BEST3: variants seen among roughly 807,000 people sequenced by gnomAD.
The protein encoded by BEST3 is bestrophin 3, also known as bestrophin-3.
Under a neutral mutation model 47.1 loss-of-function variants are expected in BEST3, and 50 were observed. The observed-to-expected ratio is 1.06, with a 90% CI of 0.85 to 1.34. BEST3 has a LOEUF of 1.34. Among genes scored for constraint, BEST3 ranks in the 40% most tolerant of loss-of-function variants. BEST3 has a pLI of 0.00. For synonymous variants in BEST3, 282 were observed against 298.8 expected, an observed-to-expected ratio of 0.94 and a Z score of 0.58; for missense variants, 765 against 817.0, an observed-to-expected ratio of 0.94 and a Z score of 0.78.
At chr12:69,688,467 G>C (rs1215913453) in intron 4 of BEST3, among the ~76,000 whole-genome samples, 1 of 152,002 alleles carries the variant, frequency 6.6e-6, no homozygotes, top group African/African-American at 2.4e-5. Context: ...TTTTTAATTT[G>C]AGAAATTTAA....
At chr12:69,686,771 C>CAAAAAAACGAAAAAAA (rs1565840533) in intron 4 of BEST3, among the ~76,000 whole-genome samples, 1 of 49,912 alleles carries the variant, frequency 2.0e-5, no homozygotes, top group Admixed American at 2.6e-4. Flanking sequence ...GATTCTGCCT[C>CAAAAAAACGAAAAAAA]AAAAAAACAA....
At chr12:69,692,423 G>A (rs1317183728) in intron 4 of BEST3, among the ~76,000 whole-genome samples, 1 of 152,166 alleles carries the variant, frequency 6.6e-6, no homozygotes. Flanking sequence ...ATACACCAAA[G>A]AGAATCATCC....
intron 4 of BEST3, among the ~76,000 whole-genome samples, chr12:69,685,947 T>C (rs774199328): frequency 4.6e-5 from 7 of 152,214 alleles, no homozygotes; most frequent in African/African-American, 1.7e-4. Flanking sequence ...CTTTCTCTCA[T>C]GTGCAGAGCA....
At chr12:69,667,476 A>G (rs1459797053) in intron 9 of BEST3, among the ~76,000 whole-genome samples, 1 of 151,990 alleles carries the variant, frequency 6.6e-6, no homozygotes, top group Non-Finnish European at 1.5e-5. Context: ...TTGTATTTGT[A>G]GTAGAGACTG....
intron 8 of BEST3, among the ~76,000 whole-genome samples, chr12:69,672,310 A>C (rs1884628349): frequency 6.6e-6 from 1 of 152,230 alleles, no homozygotes; most frequent in Non-Finnish European, 1.5e-5. Flanking sequence ...TGGTCTAGGG[A>C]GAGTCTTGCC....
chr12:69,693,722 T>G lies in BEST3; in HGVS notation c.433A>C (p.Thr145Pro), dbSNP rs778208132. 6.2e-7 allele frequency: 1 copy of G among 1,614,076 alleles called. No homozygotes were observed. ...TSLLIFRSVS[T>P]AVYKRFPTMD... ...GTGGGAAATCTTTTGTACACAGCAG[T>G]GCTCACCGAGCGAAAGATGAGCAGG... Residue 145 changes from threonine (T) to proline (P), a missense_variant, in exon 4 of 10, where the codon ACT (threonine) becomes CCT (proline). Transcript: ENST00000330891.
rs759695233 is a variant in BEST3, at chr12:69,655,707, C to T, written c.1207G>A (p.Glu403Lys). 6.2e-6 allele frequency: 10 copies of T among 1,613,820 alleles called. No individual in the cohort carries two copies. Among genetic ancestry groups the T allele is most frequent in the African/African-American group, 2.7e-5 (2 of 74,934 alleles). Residue 403 changes from glutamate (E) to lysine (K), a missense_variant, in exon 10 of 10, where the codon GAA becomes AAA. Transcript: ENST00000330891. ...CTTCTTCTGGGGCTGGAGGGGTGTTCGTGGGCACTCAGGAACCGCTTGACT... is the reference window on the plus strand; with the variant it reads ...CTTCTTCTGGGGCTGGAGGGGTGTTTGTGGGCACTCAGGAACCGCTTGACT... ...RRVKRFLSAH[E>K]HPSSPRRRSY...
At position 69,666,023 on chromosome 12, in the gene BEST3, C is replaced by T. The variant is rs12582181; in HGVS notation, c.1100+5405G>A. ...TTCTCTACCTTTGGAACTGCTTAAACTTCTTTTTTTTTCTGAGACAAGGTC... is the reference window on the plus strand; with the variant it reads ...TTCTCTACCTTTGGAACTGCTTAAATTTCTTTTTTTTTCTGAGACAAGGTC... On this transcript the variant is annotated intron_variant, in intron 9 of 9. Transcript: ENST00000330891. Among the ~76,000 whole-genome samples the T allele has an allele frequency of 7.3e-3, 1,116 of 151,938 alleles. 44 individuals carry two copies. In the East Asian group the frequency reaches 0.088, roughly 12 times the overall value.
Position 69,699,225 on chromosome 12 carries a change from C to A in BEST3, c.-36G>T. 1.0e-6 allele frequency: 1 copy of A among 985,444 alleles called. No individual in the cohort carries two copies. The highest frequency in any genetic ancestry group is 1.2e-6 in the Non-Finnish European group (1 of 829,928). The allele number at this position is 985,444 out of a possible 1,614,324, so 61.0% of individuals were successfully genotyped here. On this transcript the variant is annotated 5_prime_UTR_variant, in exon 1 of 10. Coordinates refer to ENST00000330891, the MANE Select transcript of BEST3 (RefSeq NM_032735.3). The stretch of plus-strand genomic sequence containing the variant: ...CTAACCTATTTATTTGGTTTGTAGT[C>A]TCCGACAGGAAAGAGAATCTTCAAA...
Position 69,680,308 on chromosome 12 carries a change from A to ATCT in BEST3, c.482-1418_482-1416dup, listed in dbSNP as rs751686797. On this transcript the variant is annotated intron_variant, in intron 4 of 9. Transcript: ENST00000330891. ...CTTTAAAACTTACAGTTTACACTTG[A>ATCT]TCTTTTTTTTTTTTTTTTTAGATGG... Among the ~76,000 whole-genome samples the ATCT allele has an allele frequency of 9.5e-3, 31 of 3,278 alleles. 6 individuals carry two copies. Among genetic ancestry groups the ATCT allele is most frequent in the African/African-American group, 0.013 (22 of 1,684 alleles). 2.2% of individuals were successfully genotyped at this position (3,278 alleles called of 152,430 possible).
intron 4 of BEST3, among the ~76,000 whole-genome samples, chr12:69,686,771 C>CAAAAAAAAAAAAAAAA (rs1555208491): frequency 3.6e-4 from 18 of 49,874 alleles, no homozygotes; most frequent in South Asian, 5.8e-4. Context: ...GATTCTGCCT[C>CAAAAAAAAAAAAAAAA]AAAAAAACAA....
Position 69,671,516 on chromosome 12 carries a change from A to G in BEST3, c.1012T>C (p.Trp338Arg), listed in dbSNP as rs1372994387. The G allele has an allele frequency of 1.1e-5, 18 of 1,614,038 alleles. No individual in the cohort carries two copies. Among genetic ancestry groups the G allele is most frequent in the Non-Finnish European group, 1.4e-5 (16 of 1,179,860 alleles). ...SLPKMKKDIY[W>R]DDSAARPPYT... The stretch of plus-strand genomic sequence containing the variant: ...GGTGGGCGAGCAGCAGAATCGTCCC[A>G]GTAAATGTCCTTCTTCATCTTGGGT... The change falls in exon 9 of 10, where the codon TGG (tryptophan) becomes CGG (arginine). Residue 338 changes from tryptophan (W) to arginine (R), a missense_variant. By Grantham distance (101) the Trp-to-Arg change is moderately radical. Coordinates refer to ENST00000330891, the MANE Select transcript of BEST3 (RefSeq NM_032735.3).
At chr12:69,693,137 A>T (rs1225554176) in intron 4 of BEST3, among the ~76,000 whole-genome samples, 2 of 152,198 alleles carry the variant, frequency 1.3e-5, no homozygotes, top group Admixed American at 6.5e-5. Flanking sequence ...ACTTGAGGGC[A>T]GGAACCATGT....
At chr12:69,681,525 A>C (rs752723579) in intron 4 of BEST3, among the ~76,000 whole-genome samples, 33 of 152,198 alleles carry the variant, frequency 2.2e-4, no homozygotes, top group Non-Finnish European at 4.3e-4. Context: ...GTTTCAGTAA[A>C]AAAAATGTCA....
At chr12:69,671,829 A>C (rs903425372) in intron 8 of BEST3, among the ~76,000 whole-genome samples, 4 of 152,102 alleles carry the variant, frequency 2.6e-5, no homozygotes, top group Non-Finnish European at 5.9e-5. Flanking sequence ...GGATCAAACC[A>C]CACACTCTAG....
At chr12:69,697,150 G>A (rs543983484) in intron 2 of BEST3, among the ~76,000 whole-genome samples, 18 of 152,290 alleles carry the variant, frequency 1.2e-4, no homozygotes, top group African/African-American at 4.3e-4. Flanking sequence ...GTACTGTTAA[G>A]TGTGGCAGGC....
At chr12:69,686,953 C>T (rs1334298691) in intron 4 of BEST3, among the ~76,000 whole-genome samples, 1 of 152,136 alleles carries the variant, frequency 6.6e-6, no homozygotes, top group Non-Finnish European at 1.5e-5. Context: ...GCTCACATTT[C>T]ACAAGACTGT....
intron 9 of BEST3, among the ~76,000 whole-genome samples, chr12:69,656,270 T>C (rs188152231): frequency 5.9e-4 from 90 of 152,246 alleles, no homozygotes; most frequent in African/African-American, 2.1e-3. Context: ...TCTGGAGTGG[T>C]CTTAGGGATC....
intron 9 of BEST3, among the ~76,000 whole-genome samples, chr12:69,656,736 G>C (rs2135914745): frequency 6.6e-6 from 1 of 152,268 alleles, no homozygotes; most frequent in South Asian, 2.1e-4. Flanking sequence ...TACGTAGCTA[G>C]TTAGAGCAAA....
Sources: gnomAD v4.1 joint callset for allele counts (sites outside exome capture counted in the v4.1 genomes callset) on GRCh38, gnomAD v4.1.1 for gene constraint, MANE v1.5 for transcripts, NCBI Gene and HGNC (gene_info 2026-07-23, HGNC 2026-07-21) for gene names.